Variants in IL1RAPL2 observed in about 807,000 individuals in gnomAD.
IL1RAPL2 encodes X-linked interleukin-1 receptor accessory protein-like 2.
A neutral mutation model predicts 44.1 loss-of-function variants in IL1RAPL2; 3 were observed. The ratio of observed to expected loss-of-function variants is 0.07; its 90% CI spans 0.03 to 0.18. IL1RAPL2 has a LOEUF of 0.18. Ranked by LOEUF, IL1RAPL2 falls within the 10% of genes least tolerant of loss-of-function variation. IL1RAPL2 has a pLI of 1.00. For synonymous variants in IL1RAPL2, 181 were observed against 178.8 expected (o/e 1.01, Z -0.10); for missense variants, 391 against 496.4 (o/e 0.79, Z 2.02).
chrX:105,371,534 G>A (rs1298489785), intron 5 of IL1RAPL2, among the ~76,000 whole-genome samples: 2 of 111,486 alleles, frequency 1.8e-5, no homozygotes, highest in East Asian at 2.8e-4. Context: ...CTACCACTCA[G>A]AGTCAGCCAA....
At chrX:105,300,891 A>G (rs945011571) in intron 5 of IL1RAPL2, among the ~76,000 whole-genome samples, 2 of 111,842 alleles carry the variant, frequency 1.8e-5, no homozygotes, top group Non-Finnish European at 3.8e-5. Context: ...TTTGTGTATC[A>G]CAAAGTATGC....
intron 2 of IL1RAPL2, among the ~76,000 whole-genome samples, chrX:104,907,966 G>T (rs962738269): frequency 1.8e-5 from 2 of 110,220 alleles, no homozygotes; most frequent in Admixed American, 9.7e-5. Flanking sequence ...CTCAGGACTT[G>T]CTTTATGAAT....
chrX:105,543,814 C>T (rs1336864040), intron 6 of IL1RAPL2, among the ~76,000 whole-genome samples: 1 of 112,064 alleles, frequency 8.9e-6, no homozygotes, highest in East Asian at 2.8e-4. Context: ...GATAATGCCA[C>T]ACTAGGGCTT....
At chrX:104,707,599 GA>G (rs5903243) in intron 2 of IL1RAPL2, among the ~76,000 whole-genome samples, 37,119 of 110,471 alleles carry the variant, frequency 0.34, 5,430 homozygotes, top group East Asian at 0.46. Flanking sequence ...GCTTTCTTTT[GA>G]AAATCTTATC....
chrX:105,028,867 G>A (rs2031424140), intron 2 of IL1RAPL2, among the ~76,000 whole-genome samples: 1 of 110,936 alleles, frequency 9.0e-6, no homozygotes, highest in South Asian at 3.8e-4. Flanking sequence ...AGAAGTAGGA[G>A]ACATTCAATT....
intron 6 of IL1RAPL2, among the ~76,000 whole-genome samples, chrX:105,573,000 G>C (rs958496404): frequency 2.7e-5 from 3 of 111,257 alleles, no homozygotes; most frequent in Non-Finnish European, 5.7e-5. Flanking sequence ...ACACTTAGCT[G>C]AGTTTAAACT....
At chrX:105,575,874 T>C (rs776205605) in intron 6 of IL1RAPL2, among the ~76,000 whole-genome samples, 1 of 112,256 alleles carries the variant, frequency 8.9e-6, no homozygotes, top group South Asian at 3.7e-4. Flanking sequence ...CTGATTTGTG[T>C]GAGATGGTAC....
chrX:105,062,523 A>G (rs934098009), intron 2 of IL1RAPL2, among the ~76,000 whole-genome samples: 1 of 111,573 alleles, frequency 9.0e-6, no homozygotes, highest in Admixed American at 9.6e-5. Context: ...TACTATTACC[A>G]GTGAGTTTTG....
At chrX:105,220,958 C>T (rs1448253142) in intron 3 of IL1RAPL2, among the ~76,000 whole-genome samples, 2 of 112,067 alleles carry the variant, frequency 1.8e-5, no homozygotes, top group East Asian at 2.8e-4. Context: ...CCCATGCCAA[C>T]GGCTAGTAGG....
In IL1RAPL2 at chrX:105,374,966, A is replaced by AC. The variant is rs1368611965; in HGVS notation, c.697+107425_697+107426insC. ...ATCTCAAAAAAAAAAAAAAAAAAAA[A>AC]GAATTCTAGTGATTTTTTACCCTGA... On this transcript the variant is annotated intron_variant, in intron 5 of 10. Transcript: ENST00000372582. Among the ~76,000 whole-genome samples, 5 of 105,887 alleles carry AC rather than the reference A, an allele frequency of 4.7e-5. No homozygotes were observed. In the East Asian group the frequency reaches 1.5e-3, roughly 31 times the overall value. The allele number at this position is 105,887 out of a possible 115,157, so 92.0% of individuals were successfully genotyped here.
intron 2 of IL1RAPL2, among the ~76,000 whole-genome samples, chrX:104,880,394 C>T (rs1490577476): frequency 1.8e-5 from 2 of 111,797 alleles, no homozygotes; most frequent in Non-Finnish European, 3.8e-5. Context: ...AGCATATAGC[C>T]TCTGCAGTGG....
intron 1 of IL1RAPL2, among the ~76,000 whole-genome samples, chrX:104,585,336 T>TTA (rs1928521169): frequency 8.5e-4 from 15 of 17,645 alleles, no homozygotes; most frequent in African/African-American, 6.5e-3. Context: ...ATAATATATA[T>TTA]TATATATTAT....
intron 2 of IL1RAPL2, among the ~76,000 whole-genome samples, chrX:104,768,493 C>T (rs1266713700): frequency 9.0e-6 from 1 of 111,632 alleles, no homozygotes; most frequent in East Asian, 2.8e-4. Context: ...ACTATTCTTT[C>T]AGCCTTCTCA....
chrX:104,637,067 A>ATT (rs1203149326), intron 1 of IL1RAPL2, among the ~76,000 whole-genome samples: 31 of 96,723 alleles, frequency 3.2e-4, no homozygotes, highest in African/African-American at 8.3e-4. Flanking sequence ...GTAGTTTGGG[A>ATT]TTTTTTTTTT....
intron 2 of IL1RAPL2, among the ~76,000 whole-genome samples, chrX:104,901,706 G>T (rs1923823828): frequency 9.0e-6 from 1 of 111,267 alleles, no homozygotes; most frequent in African/African-American, 3.3e-5. Context: ...GAAAGACCTG[G>T]TTTCAAATTC....
chrX:105,270,321 G>GC (rs2034437279), intron 5 of IL1RAPL2, among the ~76,000 whole-genome samples: 1 of 111,232 alleles, frequency 9.0e-6, no homozygotes, highest in Non-Finnish European at 1.9e-5. Flanking sequence ...ATTTTTATAG[G>GC]CCCCAATTTG....
chrX:104,616,159 C>T (rs747504517), intron 1 of IL1RAPL2, among the ~76,000 whole-genome samples: 126 of 112,261 alleles, frequency 1.1e-3, no homozygotes, highest in African/African-American at 3.9e-3. Context: ...AAATTTTCTC[C>T]GCTCTGTATG....
chrX:105,496,994 T>C (rs915884262), intron 6 of IL1RAPL2, among the ~76,000 whole-genome samples: 1 of 111,701 alleles, frequency 9.0e-6, no homozygotes, highest in Non-Finnish European at 1.9e-5. Flanking sequence ...TGGTTCTCAA[T>C]GTTGATTCCT....
At chrX:105,241,686 T>G (rs373004451) in intron 4 of IL1RAPL2, among the ~76,000 whole-genome samples, 2 of 112,137 alleles carry the variant, frequency 1.8e-5, no homozygotes, top group East Asian at 5.6e-4. Flanking sequence ...TTTATTTCAA[T>G]GTTCAATTTA....
Sources: gnomAD v4.1 joint callset for allele counts (sites outside exome capture counted in the v4.1 genomes callset) on GRCh38, gnomAD v4.1.1 for gene constraint, MANE v1.5 for transcripts, NCBI Gene and HGNC (gene_info 2026-07-23, HGNC 2026-07-21) for gene names.